ACSL1: variants seen among roughly 807,000 people sequenced by gnomAD.
ACSL1 encodes long-chain-fatty-acid--CoA ligase 1.
A neutral mutation model predicts 98.4 loss-of-function variants in ACSL1; 41 were observed. That is an observed-to-expected ratio of 0.42 (90% CI 0.32 to 0.54). The LOEUF is 0.54. Among genes scored for constraint, ACSL1 ranks in the 20% least tolerant of loss-of-function variants. ACSL1 has a pLI of 0.13. For missense variants in ACSL1, 734 were observed against 883.1 expected (o/e 0.83, Z 2.14); for synonymous variants, 316 against 322.7 (o/e 0.98, Z 0.22).
At chr4:184,807,439 C>T (rs1771568587) in intron 1 of ACSL1, among the ~76,000 whole-genome samples, 1 of 152,220 alleles carries the variant, frequency 6.6e-6, no homozygotes, top group South Asian at 2.1e-4. Context: ...GCACCCTCCT[C>T]CCCACTCTTA....
At chr4:184,822,271 G>A (rs1773119228) in intron 1 of ACSL1, among the ~76,000 whole-genome samples, 1 of 151,996 alleles carries the variant, frequency 6.6e-6, no homozygotes, top group African/African-American at 2.4e-5. Flanking sequence ...TCCTTCTAAG[G>A]CAGGCAGCAC....
At chr4:184,811,182 C>G (rs1454413084) in intron 1 of ACSL1, among the ~76,000 whole-genome samples, 1 of 150,242 alleles carries the variant, frequency 6.7e-6, no homozygotes, top group East Asian at 2.0e-4. Flanking sequence ...GATCTCGGCT[C>G]ACTGCAAGCT....
intron 5 of ACSL1, among the ~76,000 whole-genome samples, chr4:184,778,672 C>T (rs778999874): frequency 2.0e-5 from 3 of 152,200 alleles, no homozygotes; most frequent in Non-Finnish European, 4.4e-5. Context: ...GGCCGAGTCA[C>T]TGTGCTTTGG....
chr4:184,802,558 G>A (rs193112025), intron 2 of ACSL1, among the ~76,000 whole-genome samples: 35 of 152,052 alleles, frequency 2.3e-4, no homozygotes, highest in African/African-American at 7.5e-4. Flanking sequence ...GTGAGCATGC[G>A]GCCTCTTCAT....
chr4:184,763,716 G>A (rs557146112), intron 15 of ACSL1, among the ~76,000 whole-genome samples: 10 of 152,288 alleles, frequency 6.6e-5, no homozygotes, highest in South Asian at 2.1e-4. Flanking sequence ...ATTTCCTTGC[G>A]TATGAAGAAG....
At chr4:184,822,872 C>T (rs1773175755) in intron 1 of ACSL1, among the ~76,000 whole-genome samples, 1 of 152,230 alleles carries the variant, frequency 6.6e-6, no homozygotes, top group African/African-American at 2.4e-5. Context: ...ATTTCTTATG[C>T]ATTGACATTC....
At chr4:184,791,815 G>A (rs1261247575) in intron 2 of ACSL1, among the ~76,000 whole-genome samples, 1 of 152,144 alleles carries the variant, frequency 6.6e-6, no homozygotes. Context: ...GTAATGGGGT[G>A]TAAGCAGAAA....
At chr4:184,801,719 A>T (rs1770555809) in intron 2 of ACSL1, among the ~76,000 whole-genome samples, 1 of 152,210 alleles carries the variant, frequency 6.6e-6, no homozygotes, top group Non-Finnish European at 1.5e-5. Flanking sequence ...AACAGAGAAA[A>T]ATCAGGAAGC....
intron 5 of ACSL1, among the ~76,000 whole-genome samples, chr4:184,779,485 T>C (rs1409915542): frequency 6.6e-6 from 1 of 152,206 alleles, no homozygotes; most frequent in African/African-American, 2.4e-5. Flanking sequence ...AACACACTTT[T>C]ACACACTGGT....
In ACSL1 at chr4:184,757,667, C is replaced by T; in HGVS notation, c.1924G>A (p.Gly642Arg). The T allele has an allele frequency of 6.2e-7, 1 of 1,614,078 alleles. No homozygotes were observed. Among genetic ancestry groups the T allele is most frequent in the Non-Finnish European group, 8.5e-7 (1 of 1,179,994 alleles). ...KAILEDMVRLGKDSGLKPFEQ... is the reference protein window; with the variant it reads ...KAILEDMVRLRKDSGLKPFEQ... ...AATGGTTTCAGACCAGAATCCTTCCCAAGTCTCACCATATCTTCGAGGATA... is the reference window on the plus strand; with the variant it reads ...AATGGTTTCAGACCAGAATCCTTCCTAAGTCTCACCATATCTTCGAGGATA... The change falls in exon 20 of 21, where the codon GGG becomes AGG. Residue 642 changes from glycine (G) to arginine (R), a missense_variant. Gly to Arg is a moderately radical substitution (Grantham distance 125). Transcript: ENST00000281455. This position sits in a 1 kb window ranked among gnomAD's most constrained non-coding sequence, Gnocchi z 4.5.
rs147919799 is a variant in ACSL1, at chr4:184,780,436, A to C, written c.376-3T>G. On this transcript the variant is annotated splice_polypyrimidine_tract_variant and splice_region_variant and intron_variant, in intron 4 of 20. Coordinates refer to ENST00000281455, the MANE Select transcript of ACSL1 (RefSeq NM_001995.5). The stretch of plus-strand genomic sequence containing the variant: ...ATGCACTCCGACAATTCTGCAACCT[A>C]AAATGGAGAGGAAAAAGTCAGAAGC... 2.5e-6 allele frequency: 4 copies of C among 1,609,254 alleles called. No individual in the cohort carries two copies. Among genetic ancestry groups the C allele is most frequent in the Non-Finnish European group, 3.4e-6 (4 of 1,178,396 alleles).
intron 3 of ACSL1, among the ~76,000 whole-genome samples, chr4:184,785,618 G>A (rs1433577241): frequency 3.3e-5 from 1 of 30,376 alleles, no homozygotes; most frequent in African/African-American, 7.8e-5. Flanking sequence ...GGGGGGGGGG[G>A]GGGAAGGAAG....
chr4:184,773,008 C>A lies in ACSL1; in HGVS notation c.915+73G>T. On this transcript the variant is annotated intron_variant, in intron 10 of 20. Transcript: ENST00000281455. The surrounding 1 kb of genome is among the most constrained non-coding windows in gnomAD (Gnocchi z 4.3). Reference sequence around the variant, plus strand: ...CACATGGACCTAACACACTGGTGCCCACCTTCAGCACTTTCATTCTCAAGG... The same window carrying A: ...CACATGGACCTAACACACTGGTGCCAACCTTCAGCACTTTCATTCTCAAGG... 1 of 1,442,022 alleles carries A rather than the reference C, an allele frequency of 6.9e-7. No individual in the cohort carries two copies. Among genetic ancestry groups the A allele is most frequent in the Non-Finnish European group, 9.7e-7 (1 of 1,030,124 alleles). The allele number at this position is 1,442,022 out of a possible 1,614,324, so 89.3% of individuals were successfully genotyped here.
At chr4:184,762,338 A>G in intron 17 of ACSL1, 69 bp downstream of exon 17, 1 of 1,317,628 alleles carries the variant, frequency 7.6e-7, no homozygotes. Flanking sequence ...GCAGCTGCAC[A>G]GTAGATAAGA....
chr4:184,768,568 TTTCCTAAATATAG>T, intron 11 of ACSL1, 118 bp from the exon 12 acceptor site: 1 of 1,430,330 alleles, frequency 7.0e-7, no homozygotes, highest in Non-Finnish European at 9.4e-7. Flanking sequence ...AAATCTTAAA[TTTCCTAAATATAG>T]GTAACTTAAA....
intron 17 of ACSL1, among the ~76,000 whole-genome samples, chr4:184,761,110 GCC>G (rs1762799707): frequency 2.6e-5 from 4 of 152,128 alleles, no homozygotes; most frequent in Non-Finnish European, 5.9e-5. Context: ...CCACCCCGGG[GCC>G]ACTCTCATGC....
intron 1 of ACSL1, among the ~76,000 whole-genome samples, chr4:184,819,660 G>A (rs1458285711): frequency 6.6e-6 from 1 of 152,072 alleles, no homozygotes; most frequent in Non-Finnish European, 1.5e-5. Flanking sequence ...CTCAGGATAT[G>A]GTGGTTTGGA....
At chr4:184,785,191 C>CT (rs1767008238) in intron 3 of ACSL1, among the ~76,000 whole-genome samples, 1 of 152,202 alleles carries the variant, frequency 6.6e-6, no homozygotes, top group African/African-American at 2.4e-5. Context: ...TACTACCAGG[C>CT]TTTTTACAGA....
intron 3 of ACSL1, 95 bp from the exon 4 acceptor site, chr4:184,784,086 A>C (rs2150360632): frequency 1.0e-6 from 1 of 959,664 alleles, no homozygotes; most frequent in East Asian, 2.5e-5. Flanking sequence ...ACTAAACATC[A>C]GCTAGACTCT....
Sources: allele counts gnomAD v4.1 joint callset (sites outside exome capture counted in the v4.1 genomes callset), GRCh38; gene constraint gnomAD v4.1.1; non-coding constraint Gnocchi (gnomAD v3.1); transcripts MANE v1.5; gene names NCBI Gene and HGNC (gene_info 2026-07-23, HGNC 2026-07-21).